CFDP1: variants seen among roughly 807,000 people sequenced by gnomAD.
CFDP1 encodes heterochromatin-stabilizing protein CFDP1.
In CFDP1, 31 loss-of-function variants were observed where a neutral mutation model predicts 40.1. The ratio of observed to expected loss-of-function variants is 0.77; its 90% confidence interval spans 0.58 to 1.04. The LOEUF (loss-of-function observed/expected upper bound fraction) is 1.04. CFDP1 is among the 50% of genes least tolerant of loss of function. CFDP1 has a pLI of 0.00. For missense variants in CFDP1, 423 were observed against 343.4 expected (o/e 1.23, Z -1.83); for synonymous variants, 167 against 120.0 (o/e 1.39, Z -2.56).
intron 1 of CFDP1, among the ~76,000 whole-genome samples, chr16:75,428,158 C>T (rs1038204473): frequency 1.3e-4 from 19 of 147,232 alleles, no homozygotes; most frequent in African/African-American, 4.5e-4. Context: ...AGAGGGTTGA[C>T]GGCTTGAAAC....
intron 5 of CFDP1, among the ~76,000 whole-genome samples, chr16:75,350,680 A>C (rs183931308): frequency 6.6e-6 from 1 of 152,316 alleles, no homozygotes; most frequent in East Asian, 1.9e-4. Flanking sequence ...GACTAGAAGC[A>C]ACCCAAATGT....
chr16:75,414,848 T>C (rs2079191106), intron 1 of CFDP1, among the ~76,000 whole-genome samples, 153 bp from the exon 2 acceptor site: 1 of 152,158 alleles, frequency 6.6e-6, no homozygotes, highest in Non-Finnish European at 1.5e-5. Flanking sequence ...ATCATTTCCT[T>C]GGGGAAGTCT....
chr16:75,373,111 C>G (rs2078766079), intron 5 of CFDP1, among the ~76,000 whole-genome samples: 1 of 152,172 alleles, frequency 6.6e-6, no homozygotes, highest in East Asian at 1.9e-4. Flanking sequence ...GCAGCTACTC[C>G]CATCTGTCTA....
chr16:75,395,289 T>G, intron 4 of CFDP1, 80 bp from the exon 5 acceptor site: 3 of 1,433,570 alleles, frequency 2.1e-6, no homozygotes, highest in Non-Finnish European at 2.9e-6. Flanking sequence ...TAAAGACAAC[T>G]AGAAAAAGAT....
intron 4 of CFDP1, among the ~76,000 whole-genome samples, chr16:75,398,911 G>A (rs2079022377): frequency 6.6e-6 from 1 of 152,058 alleles, no homozygotes; most frequent in South Asian, 2.1e-4. Flanking sequence ...AAAAAAATTA[G>A]CCAGGCATGG....
At chr16:75,395,288 C>G in intron 4 of CFDP1, 79 bp from the exon 5 acceptor site, 3 of 1,456,866 alleles carry the variant, frequency 2.1e-6, no homozygotes, top group Non-Finnish European at 2.8e-6. Flanking sequence ...ATAAAGACAA[C>G]TAGAAAAAGA....
intron 5 of CFDP1, among the ~76,000 whole-genome samples, chr16:75,315,398 T>C (rs1036790357): frequency 7.3e-6 from 1 of 137,458 alleles, no homozygotes; most frequent in African/African-American, 2.7e-5. Context: ...ATAATGATGA[T>C]ACTCAATAAC....
intron 1 of CFDP1, among the ~76,000 whole-genome samples, chr16:75,422,247 C>T (rs1329553905): frequency 1.3e-5 from 2 of 152,074 alleles, no homozygotes; most frequent in Non-Finnish European, 2.9e-5. Context: ...CAGGCGCTTG[C>T]CACCACACCC....
In CFDP1 at chr16:75,399,972, A is replaced by T. The variant is rs561337590; in HGVS notation, c.531-4763T>A. Among the ~76,000 whole-genome samples, 75 of 151,492 alleles carry T rather than the reference A, an allele frequency of 5.0e-4. No homozygotes were observed. In the East Asian group the frequency reaches 0.014, roughly 29 times the overall value. On this transcript the variant is annotated intron_variant, in intron 4 of 6. Transcript: ENST00000283882. Reference sequence around the variant, plus strand: ...CAAAATTAGCCAGTGGTGGTGGCACATGCCTGTAATCCCAGCTGCTTGGGA... The same window carrying T: ...CAAAATTAGCCAGTGGTGGTGGCACTTGCCTGTAATCCCAGCTGCTTGGGA...
chr16:75,351,629 G>C (rs2078611601), intron 5 of CFDP1, among the ~76,000 whole-genome samples: 2 of 152,162 alleles, frequency 1.3e-5, no homozygotes, highest in South Asian at 4.1e-4. Context: ...AGTTACTATG[G>C]AGGAGGTTAG....
At position 75,293,835 on chromosome 16, in the gene CFDP1, A is replaced by C; in HGVS notation, c.*117T>G. 1.3e-6 allele frequency: 1 copy of C among 787,124 alleles called. No individual in the cohort carries two copies. The highest frequency in any genetic ancestry group is 1.8e-5 in the South Asian group (1 of 55,610). 48.8% of individuals were successfully genotyped at this position (787,124 alleles called of 1,614,324 possible). A position where few individuals can be genotyped will look rare whatever the true frequency, so the allele number is the denominator to read the frequency against. ...TACATAGACAGAACTTCAATGTAGA[A>C]AAAAAAAAGACCTTGCTGGGAAACA... On this transcript the variant is annotated 3_prime_UTR_variant, in exon 7 of 7. Coordinates refer to ENST00000283882, the MANE Select transcript of CFDP1 (RefSeq NM_006324.3).
intron 5 of CFDP1, 198 bp from the exon 6 acceptor site, chr16:75,305,380 A>C: frequency 5.2e-6 from 3 of 575,506 alleles, no homozygotes; most frequent in Non-Finnish European, 9.2e-6. Flanking sequence ...TTCCTGCTTA[A>C]CACCACTGTC....
chr16:75,312,576 T>A (rs1413268226), intron 5 of CFDP1, among the ~76,000 whole-genome samples: 1 of 152,204 alleles, frequency 6.6e-6, no homozygotes, highest in Non-Finnish European at 1.5e-5. Flanking sequence ...TCAGCTGCTC[T>A]ACATCTTTAT....
chr16:75,350,950 A>T (rs1209904230), intron 5 of CFDP1, among the ~76,000 whole-genome samples: 1 of 152,198 alleles, frequency 6.6e-6, no homozygotes, highest in East Asian at 1.9e-4. Flanking sequence ...ACTTTAGAAC[A>T]CAGAAATTTG....
At chr16:75,422,912 G>C (rs756359753) in intron 1 of CFDP1, among the ~76,000 whole-genome samples, 1 of 151,928 alleles carries the variant, frequency 6.6e-6, no homozygotes, top group East Asian at 2.0e-4. Context: ...GGGAGGCTAA[G>C]GCAGGAAGAT....
chr16:75,390,887 G>A (rs1000973060), intron 5 of CFDP1, among the ~76,000 whole-genome samples: 4 of 152,168 alleles, frequency 2.6e-5, no homozygotes, highest in Admixed American at 6.5e-5. Flanking sequence ...GCCCCAGGGA[G>A]GCCACACCAA....
chr16:75,299,888 G>A lies in CFDP1; in HGVS notation c.809+5136C>T, dbSNP rs184259966. Among the ~76,000 whole-genome samples, 7 of 152,222 alleles carry A rather than the reference G, an allele frequency of 4.6e-5. No homozygotes were observed. In the East Asian group the frequency reaches 7.7e-4, roughly 17 times the overall value. On this transcript the variant is annotated intron_variant, in intron 6 of 6. Transcript: ENST00000283882. ...GTGGGGGTACTCTAGAGTGCCATCC[G>A]CATAGAGCCCTGGATGACAAATCAG...
intron 5 of CFDP1, among the ~76,000 whole-genome samples, chr16:75,347,049 T>C (rs1386194563): frequency 2.6e-5 from 4 of 151,692 alleles, no homozygotes; most frequent in African/African-American, 9.7e-5. Context: ...ACCTTCAAAA[T>C]AGAAGAAAGA....
intron 4 of CFDP1, among the ~76,000 whole-genome samples, chr16:75,399,571 G>C (rs2079030160): frequency 6.6e-6 from 1 of 152,128 alleles, no homozygotes; most frequent in Non-Finnish European, 1.5e-5. Context: ...TAAAGACAGA[G>C]TCTCACCATG....
Sources: gnomAD v4.1 joint callset for allele counts (sites outside exome capture counted in the v4.1 genomes callset) on GRCh38, gnomAD v4.1.1 for gene constraint, MANE v1.5 for transcripts, NCBI Gene and HGNC (gene_info 2026-07-23, HGNC 2026-07-21) for gene names.